Variants in NUGGC observed in about 807,000 individuals in gnomAD.
NUGGC encodes the protein nuclear GTPase, germinal center associated, also known as nuclear GTPase SLIP-GC.
A neutral mutation model predicts 92.6 loss-of-function variants in NUGGC; 58 were observed. The ratio of observed to expected loss-of-function variants is 0.63; its 90% CI spans 0.51 to 0.78. The LOEUF (loss-of-function observed/expected upper bound fraction) is 0.78, where lower values mean the gene tolerates loss of function less well. Ranked by LOEUF, NUGGC falls within the 30% of genes least tolerant of loss-of-function variation. NUGGC has a pLI of 0.00. For synonymous variants in NUGGC, 376 were observed against 366.4 expected, an observed-to-expected ratio of 1.03 and a Z score of -0.30; for missense variants, 925 against 964.6, an observed-to-expected ratio of 0.96 and a Z score of 0.54.
At chr8:28,070,113 C>T (rs1810549249) in intron 3 of NUGGC, 139 bp downstream of exon 3, 9 of 1,440,440 alleles carry the variant, frequency 6.2e-6, no homozygotes, top group Non-Finnish European at 8.2e-6. Flanking sequence ...GCTACAGAGA[C>T]TTTGAGCCCT....
chr8:28,023,292 A>T lies in NUGGC; in HGVS notation c.*25T>A. The T allele has an allele frequency of 6.3e-7, 1 of 1,599,224 alleles. No individual in the cohort carries two copies. The highest frequency in any genetic ancestry group is 8.5e-7 in the Non-Finnish European group (1 of 1,173,514). On this transcript the variant is annotated 3_prime_UTR_variant, in exon 19 of 19. Coordinates refer to ENST00000413272, the MANE Select transcript of NUGGC (RefSeq NM_001010906.2). Reference sequence around the variant, plus strand: ...TTCTCTGGCTCTGGGCTGATTTTTCATCCATTGGGACTAAGCCCCAGGAGT... The same window carrying T: ...TTCTCTGGCTCTGGGCTGATTTTTCTTCCATTGGGACTAAGCCCCAGGAGT...
intron 1 of NUGGC, among the ~76,000 whole-genome samples, chr8:28,081,650 G>A (rs1260053714): frequency 1.3e-5 from 2 of 152,094 alleles, no homozygotes; most frequent in East Asian, 1.9e-4. Context: ...AGGCTGAGCC[G>A]GGCAGATCAT....
At chr8:28,070,221 C>T (rs1302719875) in intron 3 of NUGGC, 31 bp downstream of exon 3, 1 of 1,518,718 alleles carries the variant, frequency 6.6e-7, no homozygotes, top group Non-Finnish European at 8.9e-7. Context: ...AGAACCGAAC[C>T]ATGTTAAAAC....
intron 13 of NUGGC, among the ~76,000 whole-genome samples, chr8:28,036,645 G>T (rs1809561281): frequency 6.6e-6 from 1 of 152,038 alleles, no homozygotes; most frequent in African/African-American, 2.4e-5. Context: ...CTTTCTCTTG[G>T]ATGCGAATCT....
At chr8:28,068,684 A>T (rs768503270) in intron 4 of NUGGC, among the ~76,000 whole-genome samples, 5 of 152,174 alleles carry the variant, frequency 3.3e-5, no homozygotes, top group Non-Finnish European at 5.9e-5. Context: ...TAATGTCTAT[A>T]TAGATGTGAG....
chr8:28,070,958 C>T (rs1425085391), intron 2 of NUGGC, among the ~76,000 whole-genome samples: 1 of 151,596 alleles, frequency 6.6e-6, no homozygotes, highest in Non-Finnish European at 1.5e-5. Context: ...TGCCACTGCA[C>T]TCCAACCTGG....
intron 2 of NUGGC, 58 bp downstream of exon 2, chr8:28,074,310 T>C (rs2130275203): frequency 2.5e-6 from 3 of 1,216,876 alleles, no homozygotes; most frequent in South Asian, 2.4e-5. Context: ...TTGCCTTTTA[T>C]CCTATATCAG....
intron 13 of NUGGC, among the ~76,000 whole-genome samples, chr8:28,036,579 G>C (rs1224629286): frequency 6.6e-6 from 1 of 152,134 alleles, no homozygotes; most frequent in Non-Finnish European, 1.5e-5. Context: ...CCCAACCAAA[G>C]GATAAGCTCC....
intron 17 of NUGGC, among the ~76,000 whole-genome samples, chr8:28,027,791 A>G (rs1809306563): frequency 6.6e-6 from 1 of 152,202 alleles, no homozygotes; most frequent in Non-Finnish European, 1.5e-5. Flanking sequence ...CTTTAAGATC[A>G]GGGAACGAGA....
chr8:28,065,384 T>C (rs1481605392), intron 6 of NUGGC, among the ~76,000 whole-genome samples: 1 of 152,128 alleles, frequency 6.6e-6, no homozygotes, highest in Non-Finnish European at 1.5e-5. Context: ...ATGGGGTCGA[T>C]CTCCTGACGT....
At chr8:28,044,091 T>C (rs1033821121) in intron 12 of NUGGC, among the ~76,000 whole-genome samples, 4 of 152,144 alleles carry the variant, frequency 2.6e-5, no homozygotes, top group Non-Finnish European at 4.4e-5. Context: ...TGGCACTGCT[T>C]ACTCCCACAT....
intron 13 of NUGGC, among the ~76,000 whole-genome samples, chr8:28,035,572 G>T (rs577702543): frequency 1.3e-5 from 2 of 152,102 alleles, no homozygotes; most frequent in African/African-American, 2.4e-5. Flanking sequence ...GTACACAAAG[G>T]CGTCCCCCTG....
intron 3 of NUGGC, 104 bp downstream of exon 3, chr8:28,070,148 A>T: frequency 6.8e-7 from 1 of 1,464,382 alleles, no homozygotes; most frequent in South Asian, 1.5e-5. Flanking sequence ...GGTTTATTTG[A>T]TGTTTCATCC....
At position 28,068,394 on chromosome 8, in the gene NUGGC, A is replaced by G. The variant is rs974314409; in HGVS notation, c.302T>C (p.Ile101Thr). 6.3e-7 allele frequency: 1 copy of G among 1,582,850 alleles called. No homozygotes were observed. The highest frequency in any genetic ancestry group is 8.6e-7 in the Non-Finnish European group (1 of 1,163,634). ...ALIEKPTVDPIYIALFGSTGA... is the reference protein window; with the variant it reads ...ALIEKPTVDPTYIALFGSTGA... ...AGTGCTTCCAAATAATGCAATGTAGATTGGGTCCACTGTCGGCTTTTCAAT... is the reference window on the plus strand; with the variant it reads ...AGTGCTTCCAAATAATGCAATGTAGGTTGGGTCCACTGTCGGCTTTTCAAT... Residue 101 changes from isoleucine (I) to threonine (T), a missense_variant, in exon 5 of 19, where the codon ATC becomes ACC. By Grantham distance (89) the Ile-to-Thr change is moderately conservative. Coordinates refer to ENST00000413272, the MANE Select transcript of NUGGC (RefSeq NM_001010906.2).
At chr8:28,035,172 C>T (rs920343659) in intron 13 of NUGGC, among the ~76,000 whole-genome samples, 4 of 152,212 alleles carry the variant, frequency 2.6e-5, no homozygotes, top group African/African-American at 2.4e-5. Context: ...CTCATGCCTT[C>T]GTCCTCTCAG....
At chr8:28,076,596 C>T (rs181697273) in intron 1 of NUGGC, among the ~76,000 whole-genome samples, 209 of 152,184 alleles carry the variant, frequency 1.4e-3, no homozygotes, top group African/African-American at 4.6e-3. Flanking sequence ...CATGCCTGGC[C>T]CTGAATTCAT....
chr8:28,027,527 A>G (rs1033356176), intron 17 of NUGGC, among the ~76,000 whole-genome samples: 3 of 152,196 alleles, frequency 2.0e-5, no homozygotes, highest in African/African-American at 4.8e-5. Context: ...CAACTGCCTG[A>G]GAAGTGTCTT....
At chr8:28,079,545 A>G (rs951444688) in intron 1 of NUGGC, among the ~76,000 whole-genome samples, 1 of 152,162 alleles carries the variant, frequency 6.6e-6, no homozygotes. Flanking sequence ...TAAAAAAAAG[A>G]ATGCTAGGGC....
intron 18 of NUGGC, among the ~76,000 whole-genome samples, chr8:28,023,819 A>G (rs1400336719): frequency 1.3e-5 from 2 of 151,558 alleles, no homozygotes; most frequent in East Asian, 3.9e-4. Flanking sequence ...TCCTCCCAGC[A>G]CAACCCATTC....
Sources: gnomAD v4.1 joint callset for allele counts (sites outside exome capture counted in the v4.1 genomes callset) on GRCh38, gnomAD v4.1.1 for gene constraint, MANE v1.5 for transcripts, NCBI Gene and HGNC (gene_info 2026-07-23, HGNC 2026-07-21) for gene names.